Variants in RANBP17 observed in about 807,000 individuals in gnomAD.
RANBP17 encodes ran-binding protein 17.
A neutral mutation model predicts 141.2 loss-of-function variants in RANBP17; 158 were observed. The observed-to-expected ratio is 1.12, with a 90% CI of 0.98 to 1.28. RANBP17 has a LOEUF of 1.28. RANBP17 is among the 50% of genes most tolerant of loss of function. The pLI, the probability that RANBP17 is intolerant of heterozygous loss-of-function variation, is 0.00. For missense variants in RANBP17, 1,438 were observed against 1,290.7 expected (o/e 1.11, Z -1.75); for synonymous variants, 430 against 450.0 (o/e 0.96, Z 0.56).
At chr5:171,095,521 A>G (rs1413245368) in intron 14 of RANBP17, among the ~76,000 whole-genome samples, 2 of 152,234 alleles carry the variant, frequency 1.3e-5, no homozygotes, top group African/African-American at 4.8e-5. Flanking sequence ...TCAATCTTGT[A>G]TTAGATTTAT....
chr5:171,010,061 G>A (rs913638445), intron 14 of RANBP17, among the ~76,000 whole-genome samples: 3 of 152,138 alleles, frequency 2.0e-5, no homozygotes, highest in Admixed American at 2.0e-4. Context: ...AATTGAGAGT[G>A]ATCCCAGAAA....
At chr5:171,044,600 CTG>C (rs1218405048) in intron 14 of RANBP17, among the ~76,000 whole-genome samples, 1 of 151,914 alleles carries the variant, frequency 6.6e-6, no homozygotes, top group African/African-American at 2.4e-5. Flanking sequence ...ATTAGAGAAA[CTG>C]TCAATAAATT....
In RANBP17 at chr5:171,241,032, G is replaced by A. The variant is rs1764845855; in HGVS notation, c.2527G>A (p.Gly843Arg). ...TTCAGCTCTCAAGTCTGCCTTGTGTGGAAATTATGTCAGCTTTGGCGTCTT... is the reference window on the plus strand; with the variant it reads ...TTCAGCTCTCAAGTCTGCCTTGTGTAGAAATTATGTCAGCTTTGGCGTCTT... The part of the protein sequence containing the change: ...CYSALKSALC[G>R]NYVSFGVFKL... Residue 843 changes from glycine to arginine, a missense_variant, in exon 23 of 28, where the codon GGA becomes AGA. Coordinates refer to ENST00000523189, the MANE Select transcript of RANBP17 (RefSeq NM_022897.5). 6.2e-7 allele frequency: 1 copy of A among 1,613,766 alleles called. No homozygotes were observed. Among genetic ancestry groups the A allele is most frequent in the South Asian group, 1.1e-5 (1 of 91,054 alleles).
chr5:170,899,463 AACAGAG>A (rs1393022710), intron 5 of RANBP17, among the ~76,000 whole-genome samples: 3 of 152,214 alleles, frequency 2.0e-5, no homozygotes, highest in Non-Finnish European at 4.4e-5. Flanking sequence ...GTCATCTGCA[AACAGAG>A]ACAGTTTGAC....
At chr5:171,193,892 C>T (rs1581835494) in intron 18 of RANBP17, among the ~76,000 whole-genome samples, 1 of 152,306 alleles carries the variant, frequency 6.6e-6, no homozygotes, top group East Asian at 1.9e-4. Flanking sequence ...AATATACTTA[C>T]AGGTTCCAAG....
At chr5:171,257,011 C>G (rs1366846274) in intron 24 of RANBP17, among the ~76,000 whole-genome samples, 1 of 152,110 alleles carries the variant, frequency 6.6e-6, no homozygotes, top group Non-Finnish European at 1.5e-5. Context: ...AGAGCTAATA[C>G]CAGTCCTCCT....
chr5:171,257,878 G>A (rs1485615111), intron 24 of RANBP17, among the ~76,000 whole-genome samples: 1 of 152,070 alleles, frequency 6.6e-6, no homozygotes, highest in African/African-American at 2.4e-5. Context: ...GGCTGAGGTG[G>A]GCGGATCACC....
At chr5:170,926,338 A>G (rs1359879608) in intron 12 of RANBP17, among the ~76,000 whole-genome samples, 1 of 151,956 alleles carries the variant, frequency 6.6e-6, no homozygotes, top group Non-Finnish European at 1.5e-5. Flanking sequence ...TTATACCTGC[A>G]TTTTTGATGA....
intron 1 of RANBP17, among the ~76,000 whole-genome samples, chr5:170,873,617 T>C (rs1422701536): frequency 6.6e-6 from 1 of 152,230 alleles, no homozygotes; most frequent in Admixed American, 6.5e-5. Flanking sequence ...CTAGATTTTC[T>C]AGTTTATTTG....
At chr5:171,266,428 G>T (rs1439860552) in intron 25 of RANBP17, among the ~76,000 whole-genome samples, 1 of 152,080 alleles carries the variant, frequency 6.6e-6, no homozygotes, top group African/African-American at 2.4e-5. Context: ...CTAGCTAATG[G>T]GTTAGGTCCA....
In RANBP17 at chr5:170,924,432, A is replaced by C. The variant is rs780527375; in HGVS notation, c.1350A>C (p.Arg450Ser). 6.2e-7 allele frequency: 1 copy of C among 1,613,546 alleles called. No homozygotes were observed. The highest frequency in any genetic ancestry group is 8.5e-7 in the Non-Finnish European group (1 of 1,179,562). Residue 450 changes from arginine to serine, a missense_variant, in exon 12 of 28, where the codon AGA (arginine) becomes AGC (serine). Coordinates refer to ENST00000523189, the MANE Select transcript of RANBP17 (RefSeq NM_022897.5). ...QQLEQLCTVSRCEYEKTCALL... is the reference protein window; with the variant it reads ...QQLEQLCTVSSCEYEKTCALL... ...TGGAGCAGTTGTGCACGGTCAGCAG[A>C]TGTGAATATGAAAAGACATGTGCTC...
chr5:171,140,530 A>G (rs1049110379), intron 14 of RANBP17, among the ~76,000 whole-genome samples: 13 of 152,208 alleles, frequency 8.5e-5, no homozygotes, highest in African/African-American at 3.1e-4. Context: ...ATATCATGTC[A>G]TACTCCAGTT....
Position 170,892,303 on chromosome 5 carries a change from C to A in RANBP17, c.257-84C>A. On this transcript the variant is annotated intron_variant, in intron 3 of 27. Transcript: ENST00000523189. Reference sequence around the variant, plus strand: ...CCTAATGCTCTCCCTCCCCTTCCCCCACCCCCACCTCTCTTTCTTCATATG... The same window carrying A: ...CCTAATGCTCTCCCTCCCCTTCCCCAACCCCCACCTCTCTTTCTTCATATG... 6.1e-6 allele frequency: 4 copies of A among 652,316 alleles called. 1 individual carries two copies. Among genetic ancestry groups the A allele is most frequent in the Non-Finnish European group, 1.0e-5 (4 of 399,374 alleles). 40.4% of individuals were successfully genotyped at this position (652,316 alleles called of 1,614,324 possible).
chr5:171,283,435 GA>G (rs1767968951), intron 25 of RANBP17, among the ~76,000 whole-genome samples: 1 of 152,186 alleles, frequency 6.6e-6, no homozygotes, highest in South Asian at 2.1e-4. Flanking sequence ...AATTATTAGG[GA>G]AAAAGAGCTT....
intron 24 of RANBP17, among the ~76,000 whole-genome samples, chr5:171,254,549 C>G (rs1294793003): frequency 6.6e-6 from 1 of 152,112 alleles, no homozygotes; most frequent in Non-Finnish European, 1.5e-5. Flanking sequence ...CCCTTCCACC[C>G]ACCTTTACAA....
chr5:171,154,105 T>TTG lies in RANBP17; in HGVS notation c.1711-16024_1711-16023insGT, dbSNP rs201458463. Reference sequence around the variant, plus strand: ...AAATAACAGTTCACTTTAGTTTTTTTTTTTTTTTTTTTTTAACCAAATTAA... The same window carrying TTG: ...AAATAACAGTTCACTTTAGTTTTTTTTGTTTTTTTTTTTTTTAACCAAATTAA... On this transcript the variant is annotated intron_variant, in intron 14 of 27. Coordinates refer to ENST00000523189, the MANE Select transcript of RANBP17 (RefSeq NM_022897.5). Among the ~76,000 whole-genome samples the TTG allele has an allele frequency of 1.0e-3, 148 of 148,330 alleles. 1 individual carries two copies. Among genetic ancestry groups the TTG allele is most frequent in the East Asian group, 1.0e-3 (5 of 4,960 alleles).
chr5:170,863,643 G>T (rs768012619), intron 1 of RANBP17: 1 of 152,176 alleles, frequency 6.6e-6, no homozygotes, highest in Admixed American at 6.5e-5. Flanking sequence ...TAGGTAATCA[G>T]ATGTTCACAG....
chr5:170,981,208 G>T (rs1777743925), intron 14 of RANBP17, among the ~76,000 whole-genome samples: 1 of 152,180 alleles, frequency 6.6e-6, no homozygotes, highest in Non-Finnish European at 1.5e-5. Flanking sequence ...GATTTTACAG[G>T]CTCATAGGCA....
At chr5:171,154,918 A>T (rs1339857481) in intron 14 of RANBP17, among the ~76,000 whole-genome samples, 1 of 151,620 alleles carries the variant, frequency 6.6e-6, no homozygotes, top group Non-Finnish European at 1.5e-5. Flanking sequence ...TCTACTAAAA[A>T]TACGAAAAAT....
Sources: allele counts gnomAD v4.1 joint callset (sites outside exome capture counted in the v4.1 genomes callset), GRCh38; gene constraint gnomAD v4.1.1; transcripts MANE v1.5; gene names NCBI Gene and HGNC (gene_info 2026-07-23, HGNC 2026-07-21).